The following MOCS1 variants were observed in gnomAD, a reference collection of about 807,000 sequenced individuals.
MOCS1 encodes the protein molybdenum cofactor biosynthesis protein 1.
MOCS1 carries 39 observed loss-of-function variants against 57.6 expected under a neutral mutation model. The ratio of observed to expected loss-of-function variants is 0.68; its 90% CI spans 0.52 to 0.88. MOCS1 has a LOEUF of 0.88. MOCS1 is among the 40% of genes least tolerant of loss of function. The pLI is 0.00. For synonymous variants in MOCS1, 334 were observed against 335.7 expected (o/e 1.00, Z 0.05); for missense variants, 795 against 831.1 (o/e 0.96, Z 0.53).
rs1485941963 is a variant in MOCS1 at position 39,905,131 on chromosome 6, C to G, written c.*1226G>C. 1 of 454,546 alleles carries G rather than the reference C, an allele frequency of 2.2e-6. No individual in the cohort carries two copies. Among genetic ancestry groups the G allele is most frequent in the Non-Finnish European group, 4.4e-6 (1 of 226,924 alleles). 28.2% of individuals were successfully genotyped at this position (454,546 alleles called of 1,614,324 possible). On this transcript the variant is annotated 3_prime_UTR_variant, in exon 11 of 11. Coordinates refer to ENST00000340692, the MANE Select transcript of MOCS1 (RefSeq NM_001358530.2). ...CAGAGGGGAGGCAGGCAGGGGGCAC[C>G]ACTGAGGACTCAAAGACATCCAAGT... is the stretch of plus-strand genomic sequence containing the variant.
Position 39,908,852 on chromosome 6 carries a change from G to C in MOCS1, c.1150+203C>G, listed in dbSNP as rs554964637. On this transcript the variant is annotated intron_variant, in intron 10 of 10. Transcript: ENST00000340692. ...GACAGAAGGATCATTTCTGTGGCAG[G>C]TATAGTAAGGGGGATCATGAACAGT... 4.6e-5 allele frequency among the ~76,000 whole-genome samples: 7 copies of C among 152,212 alleles called. No individual in the cohort carries two copies. The South Asian group carries it at 1.5e-3, about 32-fold the overall frequency.
Position 39,905,364 on chromosome 6 carries a change from CAG to C in MOCS1, c.*991_*992del, listed in dbSNP as rs1189894624. 13 of 461,672 alleles carry C rather than the reference CAG, an allele frequency of 2.8e-5. No individual in the cohort carries two copies. The highest frequency in any genetic ancestry group is 4.0e-5 in the African/African-American group (2 of 50,076). The allele number at this position is 461,672 out of a possible 1,614,324, so 28.6% of individuals were successfully genotyped here. A position where few individuals can be genotyped will look rare whatever the true frequency, so the allele number is the denominator to read the frequency against. On this transcript the variant is annotated 3_prime_UTR_variant, in exon 11 of 11. Coordinates refer to ENST00000340692, the MANE Select transcript of MOCS1 (RefSeq NM_001358530.2). ...TTTATTTTCCCATAGCGGGGCTATA[CAG>C]AGAGTACACCCTTAGGCCTTTCCAG...
intron 10 of MOCS1, 59 bp downstream of exon 10, chr6:39,908,996 C>T (rs370583690): frequency 3.4e-6 from 5 of 1,490,266 alleles, no homozygotes; most frequent in African/African-American, 1.4e-5. Context: ...GCACGGCTCC[C>T]ACCCCACGAG....
chr6:39,919,648 T>C (rs760732899), intron 3 of MOCS1, among the ~76,000 whole-genome samples: 1 of 152,124 alleles, frequency 6.6e-6, no homozygotes, highest in Non-Finnish European at 1.5e-5. Flanking sequence ...GCTACAGTGA[T>C]TAAGACAGTT....
chr6:39,908,270 C>G (rs940285480), intron 10 of MOCS1, among the ~76,000 whole-genome samples: 3 of 152,294 alleles, frequency 2.0e-5, no homozygotes, highest in African/African-American at 4.8e-5. Context: ...TTTTCTCCCC[C>G]CTGCTTTTTC....
In MOCS1 at chr6:39,906,514, C is replaced by A; in HGVS notation, c.1754G>T (p.Gly585Val). 3 of 1,613,996 alleles carry A rather than the reference C, an allele frequency of 1.9e-6. No homozygotes were observed. The highest frequency in any genetic ancestry group is 2.5e-6 in the Non-Finnish European group (3 of 1,180,038). The change falls in exon 11 of 11, where the codon GGC (glycine) becomes GTC (valine). Residue 585 changes from glycine (G) to valine (V), a missense_variant. Physicochemically the swap from Gly to Val is moderately radical, Grantham distance 109 (BLOSUM62 -3). Coordinates refer to ENST00000340692, the MANE Select transcript of MOCS1 (RefSeq NM_001358530.2). ...VKIQASCRAR[G>V]PTGVEMEALT... ...GGCCTCCATCTCCACCCCGGTGGGG[C>A]CCCGAGCCCGGCAAGATGCCTGGAT...
chr6:39,931,467 T>G (rs185727876), intron 1 of MOCS1, among the ~76,000 whole-genome samples: 1 of 152,298 alleles, frequency 6.6e-6, no homozygotes, highest in East Asian at 1.9e-4. Context: ...CTCTTTTAAA[T>G]GAGAGGACCC....
chr6:39,907,702 C>T (rs1011477193), intron 10 of MOCS1, among the ~76,000 whole-genome samples: 11 of 152,138 alleles, frequency 7.2e-5, no homozygotes, highest in Non-Finnish European at 1.6e-4. Context: ...GGGAATGGTG[C>T]AGGCTCTTGT....
In MOCS1 at chr6:39,904,888, G is replaced by A. The variant is rs1562077000; in HGVS notation, c.*1469C>T. ...CTACCCAGTCTGCCTTTAAACTTGT[G>A]CCTTCTTCCTATGAGGGGATCTGGG... On this transcript the variant is annotated 3_prime_UTR_variant, in exon 11 of 11. Coordinates refer to ENST00000340692, the MANE Select transcript of MOCS1 (RefSeq NM_001358530.2). 2.2e-6 allele frequency: 1 copy of A among 454,088 alleles called. No individual in the cohort carries two copies. The highest frequency in any genetic ancestry group is 1.6e-5 in the South Asian group (1 of 64,476). 28.1% of individuals were successfully genotyped at this position (454,088 alleles called of 1,614,324 possible). A position where few individuals can be genotyped will look rare whatever the true frequency, so the allele number is the denominator to read the frequency against.
chr6:39,924,194 G>T (rs1768140480), intron 3 of MOCS1, among the ~76,000 whole-genome samples: 2 of 152,168 alleles, frequency 1.3e-5, no homozygotes, highest in Non-Finnish European at 2.9e-5. Context: ...ACCTTATAAG[G>T]TAGGTACTAT....
chr6:39,914,675 C>A (rs560611023), intron 4 of MOCS1, among the ~76,000 whole-genome samples: 1 of 152,268 alleles, frequency 6.6e-6, no homozygotes, highest in East Asian at 1.9e-4. Context: ...CCATGGTTTC[C>A]TTGCAGCATT....
At chr6:39,922,473 G>A (rs2475509) in intron 3 of MOCS1, among the ~76,000 whole-genome samples, 111,748 of 152,100 alleles carry the variant, frequency 0.73, 41,886 homozygotes, top group East Asian at 0.89. Context: ...GCCTCAGACA[G>A]TTCTTCCACT....
At chr6:39,925,013 G>A (rs1768195575) in intron 3 of MOCS1, among the ~76,000 whole-genome samples, 1 of 152,190 alleles carries the variant, frequency 6.6e-6, no homozygotes, top group South Asian at 2.1e-4. Context: ...CTGGGAGGTG[G>A]AGGTTGCAGT....
rs1398645932 is a variant in MOCS1, at chr6:39,905,532, G to A, written c.*825C>T. On this transcript the variant is annotated 3_prime_UTR_variant, in exon 11 of 11. Transcript: ENST00000340692. The stretch of plus-strand genomic sequence containing the variant: ...TCTTCATTCTTGCATCTGCAAAGTT[G>A]GCATCGTAGCTTTATTTGTGCGCTG... The A allele has an allele frequency of 2.1e-6, 1 of 471,040 alleles. No homozygotes were observed. The highest frequency in any genetic ancestry group is 2.0e-5 in the African/African-American group (1 of 50,062). The allele number at this position is 471,040 out of a possible 1,614,324, so 29.2% of individuals were successfully genotyped here.
intron 6 of MOCS1, 82 bp downstream of exon 6, chr6:39,913,235 C>T: frequency 8.1e-7 from 1 of 1,230,196 alleles, no homozygotes; most frequent in South Asian, 1.2e-5. Context: ...TGAGGTCAGC[C>T]ATACCCAGTG....
Position 39,906,747 on chromosome 6 carries a change from C to T in MOCS1, c.1521G>A (p.Val507=), listed in dbSNP as rs745840501. ...GTCCCAGGAGGACCACGGCTGAAGC[C>T]ACAGCCACCCGCTCTGTGTCTGGCT... The part of the protein sequence containing the change: ...GRKPDTERVA[V]ASAVVLLGPV... The change falls in exon 11 of 11, where the codon GTG becomes GTA. Residue 507 remains valine (V), a synonymous_variant. Transcript: ENST00000340692. The T allele has an allele frequency of 1.2e-6, 2 of 1,614,106 alleles. No homozygotes were observed. Among genetic ancestry groups the T allele is most frequent in the East Asian group, 4.5e-5 (2 of 44,898 alleles).
At chr6:39,925,066 C>T (rs573434198) in intron 3 of MOCS1, among the ~76,000 whole-genome samples, 6 of 152,110 alleles carry the variant, frequency 3.9e-5, no homozygotes, top group South Asian at 2.1e-4. Context: ...GGTGACAGAG[C>T]GAGACTCTAT....
chr6:39,907,246 A>G (rs543642715), intron 10 of MOCS1, 129 bp from the exon 11 acceptor site: 2 of 1,028,932 alleles, frequency 1.9e-6, no homozygotes, highest in East Asian at 5.2e-5. Context: ...AGGAATGAAG[A>G]ACAAAAAGCA....
In MOCS1 at chr6:39,904,587, T is replaced by C. The variant is rs756703068; in HGVS notation, c.*1770A>G. On this transcript the variant is annotated 3_prime_UTR_variant, in exon 11 of 11. Coordinates refer to ENST00000340692, the MANE Select transcript of MOCS1 (RefSeq NM_001358530.2). ...TTTCTCCCCTGTGATGGAAATAAAGTGTTTAGGGCAGTGGGAGGAGAAAAT... is the reference window on the plus strand; with the variant it reads ...TTTCTCCCCTGTGATGGAAATAAAGCGTTTAGGGCAGTGGGAGGAGAAAAT... 9.0e-6 allele frequency: 4 copies of C among 443,040 alleles called. No individual in the cohort carries two copies. The highest frequency in any genetic ancestry group is 4.4e-5 in the African/African-American group (2 of 45,404). The allele number at this position is 443,040 out of a possible 1,614,324, so 27.4% of individuals were successfully genotyped here.
Sources: gnomAD v4.1 joint callset for allele counts (sites outside exome capture counted in the v4.1 genomes callset) on GRCh38, gnomAD v4.1.1 for gene constraint, MANE v1.5 for transcripts, NCBI Gene and HGNC (gene_info 2026-07-23, HGNC 2026-07-21) for gene names.